TATDN2: variants seen among roughly 807,000 people sequenced by gnomAD.
TATDN2 encodes the protein TatD DNase domain containing 2.
Under a neutral mutation model 60.3 loss-of-function variants are expected in TATDN2, and 44 were observed. The ratio of observed to expected loss-of-function variants is 0.73; its 90% CI spans 0.57 to 0.94. TATDN2 has a LOEUF of 0.94. Among genes scored for constraint, TATDN2 ranks in the 40% least tolerant of loss-of-function variants. The probability of loss-of-function intolerance (pLI) is 0.00; values close to 1 mark genes in which losing one functional copy is unlikely to be tolerated. For missense variants in TATDN2, 997 were observed against 948.0 expected, an observed-to-expected ratio of 1.05 and a Z score of -0.68; for synonymous variants, 399 against 355.8, an observed-to-expected ratio of 1.12 and a Z score of -1.37.
intron 3 of TATDN2, among the ~76,000 whole-genome samples, chr3:10,267,853 A>G (rs754273870): frequency 2.0e-5 from 3 of 152,220 alleles, no homozygotes; most frequent in Non-Finnish European, 4.4e-5. Flanking sequence ...ACAAAAGTAG[A>G]CTTGTAGTTC....
chr3:10,268,770 C>T (rs928864171), intron 3 of TATDN2, among the ~76,000 whole-genome samples: 8 of 152,078 alleles, frequency 5.3e-5, no homozygotes, highest in Non-Finnish European at 7.3e-5. Flanking sequence ...TTCATGAGCA[C>T]TCAGTATCTG....
intron 2 of TATDN2, among the ~76,000 whole-genome samples, chr3:10,255,661 G>A (rs945225321): frequency 2.6e-5 from 4 of 152,082 alleles, no homozygotes; most frequent in Non-Finnish European, 5.9e-5. Context: ...ATGACTCCAG[G>A]CTGGGTGCGG....
rs369038300 is a variant in TATDN2, at chr3:10,270,091, C to T, written c.949-40C>T. Reference sequence around the variant, plus strand: ...ACAGCCTGGGAGGCCATCTTCACATCGGAAGGCTAACCCACTGTTGTATGC... The same window carrying T: ...ACAGCCTGGGAGGCCATCTTCACATTGGAAGGCTAACCCACTGTTGTATGC... On this transcript the variant is annotated intron_variant, in intron 3 of 7. Transcript: ENST00000448281. 1.4e-5 allele frequency: 22 copies of T among 1,566,158 alleles called. No homozygotes were observed. The African/African-American group carries it at 1.6e-4, about 12-fold the overall frequency.
At chr3:10,260,866 C>CT (rs35507180) in intron 3 of TATDN2, among the ~76,000 whole-genome samples, 196 bp downstream of exon 3, 4,804 of 145,996 alleles carry the variant, frequency 0.033, 220 homozygotes, top group African/African-American at 0.1. Context: ...AAACTAAGTG[C>CT]TTTTTTTTTT....
At position 10,248,713 on chromosome 3, in the gene TATDN2, G is replaced by T. The variant is rs1698170382; in HGVS notation, c.-361G>T. On this transcript the variant is annotated 5_prime_UTR_variant, in exon 1 of 8. Transcript: ENST00000448281. ...CTGGTTGGGCCGCAGGAGCAGGGCG[G>T]GCTGCGGCGCCCGGGTCTGGCCCTG... The T allele has an allele frequency of 6.6e-6, 1 of 152,106 alleles. No homozygotes were observed. Among genetic ancestry groups the T allele is most frequent in the African/African-American group, 2.4e-5 (1 of 41,444 alleles). 9.4% of individuals were successfully genotyped at this position (152,106 alleles called of 1,614,324 possible). A position where few individuals can be genotyped will look rare whatever the true frequency, so the allele number is the denominator to read the frequency against.
intron 3 of TATDN2, among the ~76,000 whole-genome samples, chr3:10,268,206 G>T (rs1698507740): frequency 6.6e-6 from 1 of 152,336 alleles, no homozygotes; most frequent in South Asian, 2.1e-4. Flanking sequence ...TCAAGCAGTA[G>T]CTGTGAGAAG....
intron 4 of TATDN2, among the ~76,000 whole-genome samples, chr3:10,271,373 G>C (rs1219868520): frequency 6.6e-6 from 1 of 152,186 alleles, no homozygotes; most frequent in South Asian, 2.1e-4. Flanking sequence ...GAGTGCAGTG[G>C]TGCGATCTCA....
chr3:10,259,026 T>A (rs1360322716), intron 2 of TATDN2, among the ~76,000 whole-genome samples: 1 of 152,154 alleles, frequency 6.6e-6, no homozygotes, highest in East Asian at 1.9e-4. Context: ...TGTGCCACCA[T>A]GGCCCAGCTA....
At chr3:10,268,500 A>T (rs1427240261) in intron 3 of TATDN2, among the ~76,000 whole-genome samples, 4 of 152,210 alleles carry the variant, frequency 2.6e-5, no homozygotes, top group Admixed American at 6.5e-5. Flanking sequence ...TGGCTGCTTT[A>T]AGAAGAAATG....
chr3:10,260,699 C>A (rs754068249), intron 3 of TATDN2, 29 bp downstream of exon 3: 20 of 1,587,346 alleles, frequency 1.3e-5, no homozygotes, highest in Non-Finnish European at 1.7e-5. Flanking sequence ...AGGCATCTGA[C>A]TTTTTAGTTC....
At chr3:10,260,702 T>A (rs757406325) in intron 3 of TATDN2, 32 bp downstream of exon 3, 3 of 1,586,512 alleles carry the variant, frequency 1.9e-6, no homozygotes, top group Non-Finnish European at 2.6e-6. Context: ...CATCTGACTT[T>A]TTAGTTCTGT....
chr3:10,270,730 A>C lies in TATDN2; in HGVS notation c.1548A>C (p.Thr516=). 2 of 1,614,170 alleles carry C rather than the reference A, an allele frequency of 1.2e-6. No individual in the cohort carries two copies. Among genetic ancestry groups the C allele is most frequent in the African/African-American group, 1.3e-5 (1 of 75,040 alleles). The change falls in exon 4 of 8, where the codon ACA becomes ACC. Residue 516 remains threonine (T), a synonymous_variant. Transcript: ENST00000448281. Reference sequence around the variant, plus strand: ...AGCTATCTTTCCAAGGGACCTTTACAAAGTTCAGAAAAATTTACAGCAGCT... The same window carrying C: ...AGCTATCTTTCCAAGGGACCTTTACCAAGTTCAGAAAAATTTACAGCAGCT... ...YSKLSFQGTF[T]KFRKIYSSSF...
intron 3 of TATDN2, among the ~76,000 whole-genome samples, chr3:10,268,077 T>C (rs780770079): frequency 3.3e-5 from 5 of 152,224 alleles, no homozygotes; most frequent in Non-Finnish European, 5.9e-5. Context: ...AACAGAATAG[T>C]GTATTGAATC....
At chr3:10,263,259 C>T (rs988156261) in intron 3 of TATDN2, among the ~76,000 whole-genome samples, 2 of 151,390 alleles carry the variant, frequency 1.3e-5, no homozygotes, top group African/African-American at 4.9e-5. Context: ...TCTCAGGGCT[C>T]TGAAATTTCA....
In TATDN2 at chr3:10,270,115, G is replaced by A. The variant is rs759429386; in HGVS notation, c.949-16G>A. Reference sequence around the variant, plus strand: ...TCGGAAGGCTAACCCACTGTTGTATGCCTTCTTTTCTGCAGCATAAAGATA... The same window carrying A: ...TCGGAAGGCTAACCCACTGTTGTATACCTTCTTTTCTGCAGCATAAAGATA... On this transcript the variant is annotated splice_polypyrimidine_tract_variant and intron_variant, in intron 3 of 7. Coordinates refer to ENST00000448281, the MANE Select transcript of TATDN2 (RefSeq NM_014760.4). 3 of 1,599,140 alleles carry A rather than the reference G, an allele frequency of 1.9e-6. No homozygotes were observed. The highest frequency in any genetic ancestry group is 1.7e-6 in the Non-Finnish European group (2 of 1,173,198).
In TATDN2 at chr3:10,251,416, T is replaced by TA. The variant is rs148771176; in HGVS notation, c.414+1803dup. On this transcript the variant is annotated intron_variant, in intron 2 of 7. Transcript: ENST00000448281. ...ATTCTCTTTTTTTGAGACAGATTCTTACTGTGTCACCCAAGGTAGACTGCA... is the reference window on the plus strand; with the variant it reads ...ATTCTCTTTTTTTGAGACAGATTCTTAACTGTGTCACCCAAGGTAGACTGCA... 4.4e-3 allele frequency among the ~76,000 whole-genome samples: 671 copies of TA among 152,234 alleles called. 2 individuals carry two copies. Among genetic ancestry groups the TA allele is most frequent in the African/African-American group, 0.015 (637 of 41,558 alleles).
chr3:10,271,849 C>T (rs1344556002), intron 4 of TATDN2, among the ~76,000 whole-genome samples: 1 of 152,126 alleles, frequency 6.6e-6, no homozygotes, highest in African/African-American at 2.4e-5. Context: ...CTGCCTCAGC[C>T]TCCCGAGTAG....
rs768851690 is a variant in TATDN2, at chr3:10,278,858, A to G, written c.2146-27A>G. 5.6e-5 allele frequency: 90 copies of G among 1,613,978 alleles called. No individual in the cohort carries two copies. Among genetic ancestry groups the G allele is most frequent in the Non-Finnish European group, 7.3e-5 (86 of 1,179,956 alleles). On this transcript the variant is annotated intron_variant, in intron 6 of 7. Coordinates refer to ENST00000448281, the MANE Select transcript of TATDN2 (RefSeq NM_014760.4). The surrounding 1 kb of genome is among the most constrained non-coding windows in gnomAD (Gnocchi z 4.7). ...ATGACTGTGCACACATGGCACAATG[A>G]TGTTATGACCACTTGATGTCTTCCA...
In TATDN2 at chr3:10,251,292, A is replaced by AGG. The variant is rs1698229911; in HGVS notation, c.414+1682_414+1683dup. Among the ~76,000 whole-genome samples, 3 of 152,072 alleles carry AGG rather than the reference A, an allele frequency of 2.0e-5. No individual in the cohort carries two copies. The South Asian group carries it at 6.2e-4, about 31-fold the overall frequency. Reference sequence around the variant, plus strand: ...CAGAATGGAGGCTGGAGAGCGAGGTAGGGGGTGGATTGCAGCAAGGTTTTA... The same window carrying AGG: ...CAGAATGGAGGCTGGAGAGCGAGGTAGGGGGGGTGGATTGCAGCAAGGTTTTA... On this transcript the variant is annotated intron_variant, in intron 2 of 7. Coordinates refer to ENST00000448281, the MANE Select transcript of TATDN2 (RefSeq NM_014760.4).
Sources: allele counts gnomAD v4.1 joint callset (sites outside exome capture counted in the v4.1 genomes callset), GRCh38; gene constraint gnomAD v4.1.1; non-coding constraint Gnocchi (gnomAD v3.1); transcripts MANE v1.5; gene names NCBI Gene and HGNC (gene_info 2026-07-23, HGNC 2026-07-21).